ATXN10: variants seen among roughly 807,000 people sequenced by gnomAD.
ATXN10 encodes the protein ataxin-10.
A neutral mutation model predicts 52.9 loss-of-function variants in ATXN10; 28 were observed. The observed-to-expected ratio is 0.53, with a 90% confidence interval of 0.39 to 0.73. The LOEUF (loss-of-function observed/expected upper bound fraction) is 0.73, where lower values mean the gene tolerates loss of function less well. ATXN10 is among the 30% of genes least tolerant of loss of function. The probability of loss-of-function intolerance (pLI) is 0.00; values close to 1 mark genes in which losing one functional copy is unlikely to be tolerated. For missense variants in ATXN10, 565 were observed against 577.0 expected (o/e 0.98, Z 0.21); for synonymous variants, 226 against 221.5 (o/e 1.02, Z -0.18).
chr22:45,809,021 A>G lies in ATXN10; in HGVS notation c.1237+1999A>G, dbSNP rs572598539. Reference sequence around the variant, plus strand: ...ATTAAGCTTACCAGATTTTAAAGGCATATAAAATGTGGTAAGATATGAGAC... The same window carrying G: ...ATTAAGCTTACCAGATTTTAAAGGCGTATAAAATGTGGTAAGATATGAGAC... On this transcript the variant is annotated intron_variant, in intron 10 of 11. Transcript: ENST00000252934. Among the ~76,000 whole-genome samples, 21 of 152,356 alleles carry G rather than the reference A, an allele frequency of 1.4e-4. No homozygotes were observed. In the South Asian group the frequency reaches 3.3e-3, roughly 24 times the overall value.
Position 45,672,195 on chromosome 22 carries a change from GGGGGGCTGCCCC to G in ATXN10, c.116+20_116+31del. On this transcript the variant is annotated intron_variant, in intron 1 of 11. Coordinates refer to ENST00000252934, the MANE Select transcript of ATXN10 (RefSeq NM_013236.4). ...AGCGGAACCGGTAACGGGTCCGGCC[GGGGGGCTGCCCC>G]GGGCAGGGGAGGGCGGCCGGGACTC... is the stretch of plus-strand genomic sequence containing the variant. 1 of 1,521,674 alleles carries G rather than the reference GGGGGGCTGCCCC, an allele frequency of 6.6e-7. No homozygotes were observed. The allele number at this position is 1,521,674 out of a possible 1,614,324, so 94.3% of individuals were successfully genotyped here. A position where few individuals can be genotyped will look rare whatever the true frequency, so the allele number is the denominator to read the frequency against.
At chr22:45,749,184 G>A (rs544128184) in intron 9 of ATXN10, among the ~76,000 whole-genome samples, 29 of 152,260 alleles carry the variant, frequency 1.9e-4, no homozygotes, top group African/African-American at 5.5e-4. Flanking sequence ...GGCTTTAAGC[G>A]TGAAGGCAGA....
intron 9 of ATXN10, among the ~76,000 whole-genome samples, chr22:45,797,240 A>T (rs1290530582): frequency 6.6e-6 from 1 of 152,252 alleles, no homozygotes; most frequent in East Asian, 1.9e-4. Context: ...AAATTTAGTG[A>T]ACACTGCACC....
At chr22:45,721,821 A>C (rs1203420731) in intron 6 of ATXN10, among the ~76,000 whole-genome samples, 1 of 152,224 alleles carries the variant, frequency 6.6e-6, no homozygotes, top group African/African-American at 2.4e-5. Flanking sequence ...AGGCTAAGCC[A>C]GGAGAATCAC....
intron 10 of ATXN10, among the ~76,000 whole-genome samples, chr22:45,821,411 G>A (rs1433268236): frequency 2.7e-5 from 4 of 150,862 alleles, no homozygotes; most frequent in Non-Finnish European, 4.4e-5. Context: ...GGAAGCACCA[G>A]GAAATCCTAA....
intron 9 of ATXN10, among the ~76,000 whole-genome samples, chr22:45,796,440 G>T (rs541794615): frequency 6.6e-6 from 1 of 152,148 alleles, no homozygotes; most frequent in South Asian, 2.1e-4. Flanking sequence ...TTTGAAGCAT[G>T]TGATCTCTGT....
At chr22:45,761,166 G>A (rs1254292379) in intron 9 of ATXN10, among the ~76,000 whole-genome samples, 2 of 152,112 alleles carry the variant, frequency 1.3e-5, no homozygotes, top group African/African-American at 4.8e-5. Context: ...CTGTCGCCAG[G>A]TTGGAATGCA....
At chr22:45,755,611 C>T (rs1325505771) in intron 9 of ATXN10, among the ~76,000 whole-genome samples, 1 of 152,180 alleles carries the variant, frequency 6.6e-6, no homozygotes, top group Non-Finnish European at 1.5e-5. Context: ...GGAAGTACCC[C>T]TGTGTCTTTT....
intron 5 of ATXN10, among the ~76,000 whole-genome samples, chr22:45,717,440 G>A (rs2146773006): frequency 6.6e-6 from 1 of 152,272 alleles, no homozygotes; most frequent in South Asian, 2.1e-4. Context: ...ATCCATCTGG[G>A]ATTGCATAGA....
intron 3 of ATXN10, among the ~76,000 whole-genome samples, chr22:45,694,416 C>A (rs1923507413): frequency 3.3e-5 from 5 of 152,032 alleles, no homozygotes; most frequent in Admixed American, 3.3e-4. Flanking sequence ...CTTGGAGAGG[C>A]CAAGGTGGAC....
At chr22:45,675,870 A>G (rs1181360789) in intron 1 of ATXN10, 1 of 152,228 alleles carries the variant, frequency 6.6e-6, no homozygotes, top group East Asian at 1.9e-4. Context: ...TAATTTAAAC[A>G]TATTGCTTAT....
In ATXN10 at chr22:45,729,416, G is replaced by A. The variant is rs144613992; in HGVS notation, c.729-9G>A. On this transcript the variant is annotated splice_polypyrimidine_tract_variant and intron_variant, in intron 6 of 11. Coordinates refer to ENST00000252934, the MANE Select transcript of ATXN10 (RefSeq NM_013236.4). The stretch of plus-strand genomic sequence containing the variant: ...ATAGATTCATGCAGAAATCCTTTAT[G>A]TTTTACAGAGTTACACTGTTAGACC... The A allele has an allele frequency of 6.8e-6, 11 of 1,613,848 alleles. No individual in the cohort carries two copies. The East Asian group carries it at 2.0e-4, about 29-fold the overall frequency.
At chr22:45,702,112 A>G (rs1231560215) in intron 4 of ATXN10, among the ~76,000 whole-genome samples, 2 of 152,212 alleles carry the variant, frequency 1.3e-5, no homozygotes, top group East Asian at 1.9e-4. Flanking sequence ...TACCTCCTTC[A>G]GAAGAGTATT....
At chr22:45,803,241 C>T (rs1228858743) in intron 9 of ATXN10, among the ~76,000 whole-genome samples, 1 of 152,212 alleles carries the variant, frequency 6.6e-6, no homozygotes, top group African/African-American at 2.4e-5. Context: ...TTGACCCCAG[C>T]AGCCTGGCTC....
rs1456977480 is a variant in ATXN10 at position 45,682,935 on chromosome 22, GTC to G, written c.117-6773_117-6772del. On this transcript the variant is annotated intron_variant, in intron 1 of 11. Coordinates refer to ENST00000252934, the MANE Select transcript of ATXN10 (RefSeq NM_013236.4). ...GCCCCCTAACTGGTCTCCTGCTGTCGTCTCTTTCTCCCTTTAAGATTGATTCT... is the reference window on the plus strand; with the variant it reads ...GCCCCCTAACTGGTCTCCTGCTGTCGTCTTTCTCCCTTTAAGATTGATTCT... Among the ~76,000 whole-genome samples, 4 of 152,202 alleles carry G rather than the reference GTC, an allele frequency of 2.6e-5. 1 individual carries two copies. The South Asian group carries it at 6.2e-4, about 24-fold the overall frequency.
chr22:45,716,348 A>C (rs1295593316), intron 5 of ATXN10, among the ~76,000 whole-genome samples: 1 of 135,976 alleles, frequency 7.4e-6, no homozygotes, highest in Non-Finnish European at 1.5e-5. Context: ...TTTTTTGGAG[A>C]TAGAGTCTTG....
rs1569067000 is a variant in ATXN10, at chr22:45,793,656, CAGGTGCCACAGCATCTCA to C, written c.1174-13300_1174-13283del. On this transcript the variant is annotated intron_variant, in intron 9 of 11. Transcript: ENST00000252934. ...GTTCCACCAGCCTTTGCCAAGGATG[CAGGTGCCACAGCATCTCA>C]AGAGAAGTCACCAATCACACAGCTC... 1.1e-5 allele frequency: 15 copies of C among 1,404,774 alleles called. No individual in the cohort carries two copies. In the East Asian group the frequency reaches 3.8e-4, roughly 35 times the overall value. 87.0% of individuals were successfully genotyped at this position (1,404,774 alleles called of 1,614,324 possible).
Position 45,689,884 on chromosome 22 carries a change from G to C in ATXN10, c.289G>C (p.Val97Leu). ...CLRNACIECS[V>L]NQNSIRNLDT... ...TCGCAATGCTTGCATAGAGTGTTCT[G>C]TGAACCAGAATTCAATCAGGTAGTT... Residue 97 changes from valine (V) to leucine (L), a missense_variant, in exon 2 of 12, where the codon GTG (valine) becomes CTG (leucine). Transcript: ENST00000252934. 6.2e-7 allele frequency: 1 copy of C among 1,614,126 alleles called. No homozygotes were observed. Among genetic ancestry groups the C allele is most frequent in the East Asian group, 2.2e-5 (1 of 44,884 alleles).
chr22:45,829,750 G>A (rs1328396623), intron 10 of ATXN10, among the ~76,000 whole-genome samples: 2 of 152,098 alleles, frequency 1.3e-5, no homozygotes, highest in African/African-American at 2.4e-5. Context: ...GGAACACATC[G>A]CATGTTCATG....
Sources: allele counts gnomAD v4.1 joint callset (sites outside exome capture counted in the v4.1 genomes callset), GRCh38; gene constraint gnomAD v4.1.1; transcripts MANE v1.5; gene names NCBI Gene and HGNC (gene_info 2026-07-23, HGNC 2026-07-21).